PRKCB: variants seen among roughly 807,000 people sequenced by gnomAD.
PRKCB encodes the protein protein kinase C beta.
A neutral mutation model predicts 81.5 loss-of-function variants in PRKCB; 13 were observed. That is an observed-to-expected ratio of 0.16 (90% CI 0.10 to 0.25). The LOEUF (loss-of-function observed/expected upper bound fraction) is 0.25, where lower values mean the gene tolerates loss of function less well. PRKCB is among the 10% of genes least tolerant of loss of function. The pLI, the probability that PRKCB is intolerant of heterozygous loss-of-function variation, is 1.00. For missense variants in PRKCB, 509 were observed against 875.7 expected, an observed-to-expected ratio of 0.58 and a Z score of 5.29; for synonymous variants, 335 against 321.4, an observed-to-expected ratio of 1.04 and a Z score of -0.45.
chr16:24,022,311 AAG>A (rs1273236930), intron 3 of PRKCB, among the ~76,000 whole-genome samples: 1 of 151,946 alleles, frequency 6.6e-6, no homozygotes, highest in Non-Finnish European at 1.5e-5. Context: ...GGAAAGGGGA[AAG>A]AGAGAAGCAG....
chr16:24,179,868 A>T (rs887182613), intron 12 of PRKCB, among the ~76,000 whole-genome samples: 2 of 152,212 alleles, frequency 1.3e-5, no homozygotes, highest in African/African-American at 4.8e-5. Context: ...TCTGAAGAAC[A>T]GGAGGCTTGC....
At chr16:23,866,871 G>A (rs921028624) in intron 2 of PRKCB, among the ~76,000 whole-genome samples, 70 of 151,938 alleles carry the variant, frequency 4.6e-4, no homozygotes, top group African/African-American at 1.5e-3. Context: ...CAATCTGATG[G>A]GAGAAAAATG....
chr16:24,154,242 G>A (rs556548623), intron 9 of PRKCB, among the ~76,000 whole-genome samples: 2 of 152,284 alleles, frequency 1.3e-5, no homozygotes, highest in South Asian at 4.1e-4. Flanking sequence ...TAGCACTTTG[G>A]GAAGCCAGGG....
At chr16:23,919,881 C>T (rs1444969238) in intron 2 of PRKCB, among the ~76,000 whole-genome samples, 1 of 152,142 alleles carries the variant, frequency 6.6e-6, no homozygotes, top group Non-Finnish European at 1.5e-5. Context: ...ATAGACTGCA[C>T]TTTTTTATCC....
chr16:23,879,756 A>C (rs1963076694), intron 2 of PRKCB, among the ~76,000 whole-genome samples: 1 of 152,152 alleles, frequency 6.6e-6, no homozygotes, highest in East Asian at 1.9e-4. Context: ...GACCTTTCAA[A>C]GTGTTGGGAT....
Position 24,217,194 on chromosome 16 carries a change from A to G in PRKCB, c.*2378A>G. The stretch of plus-strand genomic sequence containing the variant: ...GGAAGGAAGGAAGGAATATAGTGTT[A>G]TAAATACTGCACTCAACATTTTCCA... On this transcript the variant is annotated 3_prime_UTR_variant, in exon 17 of 17. Transcript: ENST00000643927. The G allele has an allele frequency of 9.1e-6, 9 of 984,278 alleles. No homozygotes were observed. The highest frequency in any genetic ancestry group is 1.1e-5 in the Non-Finnish European group (9 of 829,626). The allele number at this position is 984,278 out of a possible 1,614,324, so 61.0% of individuals were successfully genotyped here.
In PRKCB at chr16:24,220,092, A is replaced by T. The variant is rs1412042609; in HGVS notation, c.*5276A>T. 1.2e-6 allele frequency: 2 copies of T among 1,614,116 alleles called. No individual in the cohort carries two copies. Among genetic ancestry groups the T allele is most frequent in the South Asian group, 2.2e-5 (2 of 91,080 alleles). ...TTGCTGGCTTCTCTTATACTAACCCAGAGTTTGTCATTAATGTGTAGGTGA... is the reference window on the plus strand; with the variant it reads ...TTGCTGGCTTCTCTTATACTAACCCTGAGTTTGTCATTAATGTGTAGGTGA... On this transcript the variant is annotated 3_prime_UTR_variant, in exon 17 of 17. Coordinates refer to ENST00000643927, the MANE Select transcript of PRKCB (RefSeq NM_002738.7).
chr16:24,017,401 A>C (rs1410854523), intron 3 of PRKCB, among the ~76,000 whole-genome samples: 1 of 152,202 alleles, frequency 6.6e-6, no homozygotes, highest in Non-Finnish European at 1.5e-5. Context: ...ACCATAAAAG[A>C]CTACCAGAAA....
At chr16:23,924,147 C>T (rs1456089642) in intron 2 of PRKCB, among the ~76,000 whole-genome samples, 1 of 151,000 alleles carries the variant, frequency 6.6e-6, no homozygotes, top group Non-Finnish European at 1.5e-5. Context: ...TCTCATGATA[C>T]TGAGTGAGTT....
rs530468546 is a variant in PRKCB, at chr16:23,870,874, C to G, written c.205+33468C>G. Among the ~76,000 whole-genome samples, 5 of 152,184 alleles carry G rather than the reference C, an allele frequency of 3.3e-5. No homozygotes were observed. The East Asian group carries it at 9.6e-4, about 29-fold the overall frequency. On this transcript the variant is annotated intron_variant, in intron 2 of 16. Coordinates refer to ENST00000643927, the MANE Select transcript of PRKCB (RefSeq NM_002738.7). ...ATCTCGGCTGGGCTTGCTCGTGTGT[C>G]TTTGGTCAGCTAGCAGGTTATCTGG...
chr16:24,024,736 C>A (rs1965453484), intron 3 of PRKCB, among the ~76,000 whole-genome samples: 1 of 152,178 alleles, frequency 6.6e-6, no homozygotes, highest in South Asian at 2.1e-4. Context: ...CACCTCTGCC[C>A]CAGTCAGCTG....
At chr16:24,105,451 G>A (rs1413206198) in intron 7 of PRKCB, among the ~76,000 whole-genome samples, 2 of 152,036 alleles carry the variant, frequency 1.3e-5, no homozygotes, top group Admixed American at 6.6e-5. Flanking sequence ...ATGCCAGGTG[G>A]TTTGCTGCAC....
intron 5 of PRKCB, among the ~76,000 whole-genome samples, chr16:24,052,910 T>C (rs139373357): frequency 7.7e-4 from 117 of 152,322 alleles, no homozygotes; most frequent in African/African-American, 2.7e-3. Flanking sequence ...AGCCTTATTT[T>C]ACCCAGCCCC....
At chr16:24,180,033 C>T (rs1306515707) in intron 12 of PRKCB, among the ~76,000 whole-genome samples, 1 of 152,130 alleles carries the variant, frequency 6.6e-6, no homozygotes, top group Non-Finnish European at 1.5e-5. Flanking sequence ...CAACCTCTGC[C>T]TCCCAGGTTC....
chr16:23,955,091 G>A (rs963530111), intron 2 of PRKCB, among the ~76,000 whole-genome samples: 1 of 151,986 alleles, frequency 6.6e-6, no homozygotes, highest in Non-Finnish European at 1.5e-5. Context: ...TTACACACAG[G>A]TGTGTGTGTA....
chr16:24,190,569 G>C (rs1219391333), intron 15 of PRKCB, among the ~76,000 whole-genome samples: 2 of 144,242 alleles, frequency 1.4e-5, no homozygotes, highest in Non-Finnish European at 3.0e-5. Flanking sequence ...CCAGACTGTA[G>C]AGTGCAGTGG....
chr16:23,956,979 TAAAAAAAAAAAAAAAAA>T (rs10714409), intron 2 of PRKCB, among the ~76,000 whole-genome samples: 1 of 45,954 alleles, frequency 2.2e-5, no homozygotes, highest in African/African-American at 8.9e-5. Flanking sequence ...CTATAGGCAG[TAAAAAAAAAAAAAAAAA>T]AAAAAAAAAA....
At chr16:24,196,208 G>GAA (rs1967876321) in intron 16 of PRKCB, among the ~76,000 whole-genome samples, 1 of 152,170 alleles carries the variant, frequency 6.6e-6, no homozygotes, top group Non-Finnish European at 1.5e-5. Context: ...CACATTATAG[G>GAA]TGCTCAGGAA....
intron 2 of PRKCB, among the ~76,000 whole-genome samples, chr16:23,837,984 A>G (rs1443921753): frequency 1.3e-5 from 2 of 152,188 alleles, no homozygotes; most frequent in African/African-American, 2.4e-5. Context: ...TGAAACAGAA[A>G]GGTCTCCAGG....
Sources: gnomAD v4.1 joint callset for allele counts (sites outside exome capture counted in the v4.1 genomes callset) on GRCh38, gnomAD v4.1.1 for gene constraint, MANE v1.5 for transcripts, NCBI Gene and HGNC (gene_info 2026-07-23, HGNC 2026-07-21) for gene names.